SNTB2: variants seen among roughly 807,000 people sequenced by gnomAD.
SNTB2 encodes syntrophin beta 2.
A neutral mutation model predicts 46.2 loss-of-function variants in SNTB2; 34 were observed. The ratio of observed to expected loss-of-function variants is 0.74; its 90% CI spans 0.56 to 0.98. SNTB2 has a LOEUF of 0.98. Among genes scored for constraint, SNTB2 ranks in the 50% least tolerant of loss-of-function variants. SNTB2 has a pLI of 0.00. For missense variants in SNTB2, 603 were observed against 731.4 expected (o/e 0.82, Z 2.02); for synonymous variants, 290 against 312.6 (o/e 0.93, Z 0.76).
intron 2 of SNTB2, among the ~76,000 whole-genome samples, chr16:69,249,894 T>A (rs1964709225): frequency 6.6e-6 from 1 of 151,878 alleles, no homozygotes; most frequent in Non-Finnish European, 1.5e-5. Context: ...ATATCAGGAG[T>A]TCGAGACCAG....
intron 5 of SNTB2, among the ~76,000 whole-genome samples, chr16:69,287,062 T>C (rs758389111): frequency 3.3e-5 from 5 of 152,156 alleles, no homozygotes; most frequent in African/African-American, 2.4e-5. Context: ...AGTTTGAAAA[T>C]GTGTGCCCAA....
At chr16:69,225,084 C>A (rs1388506005) in intron 1 of SNTB2, among the ~76,000 whole-genome samples, 1 of 152,294 alleles carries the variant, frequency 6.6e-6, no homozygotes, top group South Asian at 2.1e-4. Context: ...TTAATTCTGC[C>A]TATTTGGTCT....
At chr16:69,208,563 A>G (rs913394342) in intron 1 of SNTB2, among the ~76,000 whole-genome samples, 1 of 152,132 alleles carries the variant, frequency 6.6e-6, no homozygotes, top group African/African-American at 2.4e-5. Flanking sequence ...ATTTTTCACA[A>G]TTTATCCATT....
chr16:69,198,580 ACTT>A (rs1379231507), intron 1 of SNTB2, among the ~76,000 whole-genome samples: 5 of 151,970 alleles, frequency 3.3e-5, no homozygotes, highest in East Asian at 1.9e-4. Context: ...ATCCTCTCCT[ACTT>A]CTTCTGTGCT....
chr16:69,251,468 T>TAAAA (rs71148976), intron 2 of SNTB2, among the ~76,000 whole-genome samples: 1 of 106,120 alleles, frequency 9.4e-6, no homozygotes, highest in African/African-American at 3.7e-5. Flanking sequence ...ATGTTTAGTT[T>TAAAA]AAAAAAAAAA....
chr16:69,288,045 A>C (rs1248305184), intron 5 of SNTB2, among the ~76,000 whole-genome samples: 1 of 152,040 alleles, frequency 6.6e-6, no homozygotes. Flanking sequence ...GGTTTAAAAA[A>C]AAATACAGTA....
chr16:69,288,970 T>C (rs1006621753), intron 5 of SNTB2, among the ~76,000 whole-genome samples: 8 of 152,084 alleles, frequency 5.3e-5, no homozygotes, highest in Admixed American at 2.6e-4. Flanking sequence ...TTCTCACTTA[T>C]ATGGGAGCTA....
intron 2 of SNTB2, among the ~76,000 whole-genome samples, chr16:69,257,418 T>C (rs950026764): frequency 3.1e-5 from 1 of 32,770 alleles, no homozygotes; most frequent in Admixed American, 2.3e-4. Flanking sequence ...ATGACTCTTA[T>C]TTATTTATTT....
intron 1 of SNTB2, chr16:69,235,809 T>G: frequency 7.8e-7 from 1 of 1,289,350 alleles, no homozygotes; most frequent in Non-Finnish European, 1.0e-6. Flanking sequence ...CTGTACTAAG[T>G]TTCTTCAAAT....
chr16:69,212,298 C>G (rs1964296169), intron 1 of SNTB2, among the ~76,000 whole-genome samples: 2 of 152,034 alleles, frequency 1.3e-5, no homozygotes, highest in South Asian at 4.2e-4. Context: ...CTACCACCCC[C>G]ACTTCAAAGT....
At chr16:69,255,147 G>C (rs1410014302) in intron 2 of SNTB2, among the ~76,000 whole-genome samples, 2 of 151,770 alleles carry the variant, frequency 1.3e-5, no homozygotes, top group Non-Finnish European at 2.9e-5. Flanking sequence ...ACCCAGGCTG[G>C]AGTACAGTGG....
chr16:69,299,759 T>C lies in SNTB2; in HGVS notation c.1515T>C (p.Gly505=), dbSNP rs564791028. 1 of 1,614,168 alleles carries C rather than the reference T, an allele frequency of 6.2e-7. No homozygotes were observed. Among genetic ancestry groups the C allele is most frequent in the African/African-American group, 1.3e-5 (1 of 75,060 alleles). Residue 505 remains glycine, a synonymous_variant, in exon 6 of 7, where the codon GGT becomes GGC. Coordinates refer to ENST00000336278, the MANE Select transcript of SNTB2 (RefSeq NM_006750.4). Reference sequence around the variant, plus strand: ...GAAATCTATACTTGGATTTTGGTGGTCCCGAGGGAGAACTGGTAAGAGTGT... The same window carrying C: ...GAAATCTATACTTGGATTTTGGTGGCCCCGAGGGAGAACTGGTAAGAGTGT... ...GIRNLYLDFG[G]PEGELTMDLH... is the part of the protein sequence containing the mutation.
chr16:69,235,156 C>T (rs972042900), intron 1 of SNTB2, among the ~76,000 whole-genome samples: 19 of 150,138 alleles, frequency 1.3e-4, no homozygotes, highest in African/African-American at 2.9e-4. Context: ...GGATTACAGG[C>T]GCACGCCACC....
chr16:69,235,619 A>T (rs1964551792), intron 1 of SNTB2: 1 of 1,154,806 alleles, frequency 8.7e-7, no homozygotes, highest in Admixed American at 3.5e-5. Context: ...GAAAGGAAGA[A>T]AGGCGGGAAG....
chr16:69,261,490 C>A (rs1387687973), intron 3 of SNTB2, among the ~76,000 whole-genome samples: 1 of 151,274 alleles, frequency 6.6e-6, no homozygotes, highest in Non-Finnish European at 1.5e-5. Flanking sequence ...TTTTTTGCCA[C>A]TTCTCAACTT....
At chr16:69,199,014 A>G (rs1422885435) in intron 1 of SNTB2, among the ~76,000 whole-genome samples, 2 of 149,198 alleles carry the variant, frequency 1.3e-5, no homozygotes, top group African/African-American at 2.5e-5. Flanking sequence ...CTCCTGCCTC[A>G]GCCTCCCGAG....
At chr16:69,292,375 TA>T (rs1965171397) in intron 5 of SNTB2, among the ~76,000 whole-genome samples, 1 of 41,026 alleles carries the variant, frequency 2.4e-5, no homozygotes, top group Non-Finnish European at 4.3e-5. Flanking sequence ...TATATATATA[TA>T]TATTATATAT....
In SNTB2 at chr16:69,302,810, A is replaced by T. The variant is rs923487234; in HGVS notation, c.*1886A>T. On this transcript the variant is annotated 3_prime_UTR_variant, in exon 7 of 7. Transcript: ENST00000336278. ...TGGAAATTAAAATCTAGACAAGAAT[A>T]TGTCTTTCAAGAGCTTTTTATGTTT... is the stretch of plus-strand genomic sequence containing the variant. The T allele has an allele frequency of 6.6e-6, 1 of 152,196 alleles. No homozygotes were observed. Among genetic ancestry groups the T allele is most frequent in the Non-Finnish European group, 1.5e-5 (1 of 68,036 alleles). The allele number at this position is 152,196 out of a possible 1,614,324, so 9.4% of individuals were successfully genotyped here.
intron 1 of SNTB2, among the ~76,000 whole-genome samples, chr16:69,207,130 CCTTTT>C (rs895837128): frequency 1.3e-4 from 19 of 146,976 alleles, no homozygotes; most frequent in African/African-American, 2.5e-4. Context: ...TATAGATTTT[CCTTTT>C]CTTTTCTTTT....
Sources: gnomAD v4.1 joint callset for allele counts (sites outside exome capture counted in the v4.1 genomes callset) on GRCh38, gnomAD v4.1.1 for gene constraint, MANE v1.5 for transcripts, NCBI Gene and HGNC (gene_info 2026-07-23, HGNC 2026-07-21) for gene names.